PRRG1: variants seen among roughly 807,000 people sequenced by gnomAD.
The protein encoded by PRRG1 is transmembrane gamma-carboxyglutamic acid protein 1.
In PRRG1, 5 loss-of-function variants were observed where a neutral mutation model predicts 11.8. The observed-to-expected ratio is 0.42, with a 90% CI of 0.22 to 0.89. PRRG1 has a LOEUF of 0.89. Among genes scored for constraint, PRRG1 ranks in the 40% least tolerant of loss-of-function variants. PRRG1 has a pLI of 0.28. For missense variants in PRRG1, 155 were observed against 166.1 expected, an observed-to-expected ratio of 0.93 and a Z score of 0.37; for synonymous variants, 66 against 60.4, an observed-to-expected ratio of 1.09 and a Z score of -0.43.
At chrX:37,396,870 G>A (rs1402082707) in intron 1 of PRRG1, among the ~76,000 whole-genome samples, 1 of 111,735 alleles carries the variant, frequency 8.9e-6, no homozygotes, top group Non-Finnish European at 1.9e-5. Context: ...ATGCATTGTA[G>A]GATGTTTAGC....
chrX:37,426,760 C>T lies in PRRG1; in HGVS notation c.171+760C>T, dbSNP rs782266778. On this transcript the variant is annotated intron_variant, in intron 3 of 3. Transcript: ENST00000378628. ...AAGAATATATCATCCATAATACCAT[C>T]ATGCAATCACAAAGCACGGTTGACC... is the stretch of plus-strand genomic sequence containing the variant. Among the ~76,000 whole-genome samples, 75 of 112,625 alleles carry T rather than the reference C, an allele frequency of 6.7e-4. 1 individual carries two copies. In the Admixed American group the frequency reaches 6.9e-3, roughly 10 times the overall value.
chrX:37,409,375 TA>T (rs1303739591), intron 2 of PRRG1, among the ~76,000 whole-genome samples: 2 of 111,886 alleles, frequency 1.8e-5, no homozygotes, highest in Non-Finnish European at 1.9e-5. Context: ...GCATAGAAAT[TA>T]ACCCGTGCAG....
At chrX:37,366,801 A>G (rs1235288270) in intron 1 of PRRG1, among the ~76,000 whole-genome samples, 1 of 111,649 alleles carries the variant, frequency 9.0e-6, no homozygotes, top group Non-Finnish European at 1.9e-5. Flanking sequence ...TGGCAGGTGG[A>G]CAGAGGCCAG....
At chrX:37,351,001 T>C (rs1556364716) in intron 1 of PRRG1, among the ~76,000 whole-genome samples, 2 of 111,264 alleles carry the variant, frequency 1.8e-5, no homozygotes, top group African/African-American at 6.5e-5. Context: ...CCTGATTCAC[T>C]TCTTGAAAAA....
intron 3 of PRRG1, among the ~76,000 whole-genome samples, chrX:37,445,582 C>CA (rs1250389810): frequency 8.9e-6 from 1 of 112,711 alleles, no homozygotes; most frequent in Non-Finnish European, 1.9e-5. Flanking sequence ...CTGCACCAAA[C>CA]ACCAAAAACT....
chrX:37,407,283 A>G (rs1488657117), intron 2 of PRRG1, among the ~76,000 whole-genome samples: 2 of 111,922 alleles, frequency 1.8e-5, no homozygotes, highest in African/African-American at 3.3e-5. Flanking sequence ...AACAATAGCA[A>G]TGAGGAAGAG....
intron 3 of PRRG1, among the ~76,000 whole-genome samples, chrX:37,428,664 G>A (rs918188569): frequency 2.0e-4 from 22 of 111,771 alleles, no homozygotes; most frequent in African/African-American, 5.2e-4. Flanking sequence ...CTAGGCACAC[G>A]GTGCAAGCTT....
intron 3 of PRRG1, among the ~76,000 whole-genome samples, chrX:37,437,742 C>T (rs1025143264): frequency 9.0e-6 from 1 of 111,352 alleles, no homozygotes; most frequent in African/African-American, 3.3e-5. Context: ...CAACATGTCT[C>T]CCATAGCATG....
chrX:37,407,996 G>A (rs181137249), intron 2 of PRRG1, among the ~76,000 whole-genome samples: 1 of 112,049 alleles, frequency 8.9e-6, no homozygotes, highest in African/African-American at 3.2e-5. Context: ...AGCTATTCTG[G>A]TTCTTTCCAG....
intron 3 of PRRG1, among the ~76,000 whole-genome samples, chrX:37,432,763 G>A (rs183751391): frequency 9.0e-6 from 1 of 111,730 alleles, no homozygotes; most frequent in Admixed American, 9.5e-5. Context: ...ATTTATATTT[G>A]TAGTTCCTGG....
At chrX:37,417,909 G>C (rs1932546085) in intron 2 of PRRG1, among the ~76,000 whole-genome samples, 1 of 111,771 alleles carries the variant, frequency 8.9e-6, no homozygotes, top group Non-Finnish European at 1.9e-5. Context: ...TTTATTATTG[G>C]TTTGGGATAT....
intron 1 of PRRG1, among the ~76,000 whole-genome samples, chrX:37,398,179 A>G (rs1931789864): frequency 9.0e-6 from 1 of 111,378 alleles, no homozygotes; most frequent in Non-Finnish European, 1.9e-5. Context: ...TGCCTCCTCA[A>G]GTGGGTCCCT....
chrX:37,390,233 T>A (rs1437317708), intron 1 of PRRG1, among the ~76,000 whole-genome samples: 1 of 111,301 alleles, frequency 9.0e-6, no homozygotes, highest in African/African-American at 3.3e-5. Context: ...CATGACTTAA[T>A]CCCTTCCCAA....
intron 2 of PRRG1, among the ~76,000 whole-genome samples, chrX:37,425,019 T>C (rs1458447125): frequency 9.0e-6 from 1 of 111,394 alleles, no homozygotes; most frequent in Non-Finnish European, 1.9e-5. Context: ...ATTATATTTG[T>C]CTCTCCAAAC....
intron 3 of PRRG1, among the ~76,000 whole-genome samples, chrX:37,430,321 TA>T (rs1474200590): frequency 1.8e-5 from 2 of 112,145 alleles, no homozygotes; most frequent in Non-Finnish European, 3.8e-5. Flanking sequence ...TGTAGAAATG[TA>T]AACATATAAA....
Position 37,425,584 on chromosome X carries a change from C to T in PRRG1, c.11-256C>T, listed in dbSNP as rs145988869. Among the ~76,000 whole-genome samples the T allele has an allele frequency of 5.7e-3, 633 of 111,984 alleles. 2 individuals carry two copies. Among genetic ancestry groups the T allele is most frequent in the Non-Finnish European group, 9.9e-3 (525 of 53,182 alleles). On this transcript the variant is annotated intron_variant, in intron 2 of 3. Transcript: ENST00000378628. ...AGTATATTTAAACACCCATGGTTTG[C>T]AGGAATGTGCTGAAGTCTGAATATA...
At chrX:37,378,629 A>G (rs781794284) in intron 1 of PRRG1, among the ~76,000 whole-genome samples, 12 of 111,648 alleles carry the variant, frequency 1.1e-4, no homozygotes, top group Non-Finnish European at 2.1e-4. Flanking sequence ...TTAGTTACAC[A>G]ATAGACGGAT....
chrX:37,448,167 A>G (rs1241733288), intron 3 of PRRG1, among the ~76,000 whole-genome samples: 1 of 112,352 alleles, frequency 8.9e-6, no homozygotes, highest in African/African-American at 3.2e-5. Flanking sequence ...CGAAGCAACG[A>G]AAGCATAGAT....
chrX:37,398,685 G>A (rs1602001082), intron 1 of PRRG1, among the ~76,000 whole-genome samples: 1 of 112,173 alleles, frequency 8.9e-6, no homozygotes, highest in African/African-American at 3.2e-5. Context: ...ACTCCTCCGA[G>A]CTACAGAAGG....
Sources: allele counts gnomAD v4.1 joint callset (sites outside exome capture counted in the v4.1 genomes callset), GRCh38; gene constraint gnomAD v4.1.1; transcripts MANE v1.5; gene names NCBI Gene and HGNC (gene_info 2026-07-23, HGNC 2026-07-21).